The following KPNA7 variants were observed in gnomAD, a reference collection of about 807,000 sequenced individuals.
KPNA7 encodes karyopherin subunit alpha 7.
Under a neutral mutation model 53.7 loss-of-function variants are expected in KPNA7, and 54 were observed. That is an observed-to-expected ratio of 1.01 (90% CI 0.81 to 1.26). The LOEUF (loss-of-function observed/expected upper bound fraction) is 1.26, where lower values mean the gene tolerates loss of function less well. Among genes scored for constraint, KPNA7 ranks in the 50% most tolerant of loss-of-function variants. The pLI is 0.00. For synonymous variants in KPNA7, 276 were observed against 259.3 expected (o/e 1.06, Z -0.62); for missense variants, 640 against 644.5 (o/e 0.99, Z 0.07).
chr7:99,150,769 A>G, the KPNA7 span, among the ~76,000 whole-genome samples: 1 of 152,132 alleles, frequency 6.6e-6, no homozygotes, highest in Non-Finnish European at 1.5e-5. Context: ...AGCTCTTGCA[A>G]ATATTCACCA....
chr7:99,197,840 G>A (rs1387566691), intron 3 of KPNA7, among the ~76,000 whole-genome samples: 2 of 152,168 alleles, frequency 1.3e-5, no homozygotes, highest in Admixed American at 1.3e-4. Flanking sequence ...TTAGAGATCT[G>A]TGGGACATCA....
chr7:99,185,317 C>A (rs1480697627), intron 7 of KPNA7, among the ~76,000 whole-genome samples, 155 bp from the exon 8 acceptor site: 2 of 152,070 alleles, frequency 1.3e-5, no homozygotes, highest in Non-Finnish European at 2.9e-5. Context: ...GATCATTATT[C>A]AATTCATCCA....
the KPNA7 span, among the ~76,000 whole-genome samples, chr7:99,155,116 A>G: frequency 6.6e-6 from 1 of 152,170 alleles, no homozygotes; most frequent in Non-Finnish European, 1.5e-5. Context: ...TTGGCTCTTC[A>G]TTTATGAAAG....
At chr7:99,208,997 C>T (rs1435881773), upstream of KPNA7, among the ~76,000 whole-genome samples, 1 of 151,908 alleles carries the variant, frequency 6.6e-6, no homozygotes, top group East Asian at 1.9e-4. Flanking sequence ...ACTAGAAATA[C>T]AAAAATTAGT....
intron 6 of KPNA7, 56 bp downstream of exon 6, chr7:99,192,957 TATTAAG>T: frequency 8.5e-7 from 1 of 1,182,424 alleles, no homozygotes; most frequent in Non-Finnish European, 1.2e-6. Flanking sequence ...GCTCCATCTC[TATTAAG>T]ATTATTTTAA....
chr7:99,167,723 C>T, the KPNA7 span, among the ~76,000 whole-genome samples: 20 of 141,790 alleles, frequency 1.4e-4, no homozygotes, highest in South Asian at 2.0e-3. Flanking sequence ...TCAGGTGATC[C>T]GCCCACCTTG....
chr7:99,212,592 C>T (rs149030822), upstream of KPNA7, among the ~76,000 whole-genome samples: 379 of 151,940 alleles, frequency 2.5e-3, 1 homozygote, highest in African/African-American at 8.8e-3. Flanking sequence ...CATAAGGAAG[C>T]GTTGCTTTTT....
the KPNA7 span, among the ~76,000 whole-genome samples, chr7:99,167,612 ACTTTTTTTTTTTTTT>A: frequency 9.2e-6 from 1 of 109,138 alleles, no homozygotes; most frequent in African/African-American, 3.8e-5. Flanking sequence ...ATCACACCCA[ACTTTTTTTTTTTTTT>A]TTTTTTTTTT....
chr7:99,180,742 C>T (rs1179358015), intron 9 of KPNA7, among the ~76,000 whole-genome samples: 6 of 29,604 alleles, frequency 2.0e-4, no homozygotes, highest in African/African-American at 4.9e-4. Context: ...TCTCTCTCCC[C>T]GTGTCTCTCT....
chr7:99,209,135 G>A (rs1202389674), upstream of KPNA7, among the ~76,000 whole-genome samples: 2 of 152,102 alleles, frequency 1.3e-5, no homozygotes, highest in Non-Finnish European at 2.9e-5. Context: ...CTGGGCAACA[G>A]AGTAAGATTC....
At chr7:99,151,698 C>G in the KPNA7 span, among the ~76,000 whole-genome samples, 4 of 151,972 alleles carry the variant, frequency 2.6e-5, no homozygotes, top group African/African-American at 9.7e-5. Context: ...CTCAAGCAGT[C>G]CTCCTGCCTC....
intron 6 of KPNA7, 111 bp downstream of exon 6, chr7:99,192,908 A>G: frequency 1.5e-6 from 1 of 686,366 alleles, no homozygotes; most frequent in Non-Finnish European, 2.3e-6. Flanking sequence ...GGATTGCTTG[A>G]AGCCAGGAGT....
chr7:99,206,158 CA>C (rs1357724878), intron 2 of KPNA7, among the ~76,000 whole-genome samples: 1 of 152,104 alleles, frequency 6.6e-6, no homozygotes, highest in Non-Finnish European at 1.5e-5. Flanking sequence ...AGATAAATAG[CA>C]GCCTGGTTTT....
chr7:99,154,134 CTTTTT>C, the KPNA7 span, among the ~76,000 whole-genome samples: 2 of 141,464 alleles, frequency 1.4e-5, no homozygotes, highest in Non-Finnish European at 3.1e-5. Context: ...AGCTCACACA[CTTTTT>C]TTTTTTTTTT....
At chr7:99,183,906 C>T (rs1789425696) in intron 8 of KPNA7, among the ~76,000 whole-genome samples, 1 of 152,042 alleles carries the variant, frequency 6.6e-6, no homozygotes, top group Non-Finnish European at 1.5e-5. Flanking sequence ...AGTATAGTGG[C>T]ATGATCGTGG....
chr7:99,184,407 C>A (rs1197534355), intron 8 of KPNA7, among the ~76,000 whole-genome samples: 1 of 152,150 alleles, frequency 6.6e-6, no homozygotes, highest in Non-Finnish European at 1.5e-5. Flanking sequence ...AATCTATCCA[C>A]CTGACTGGGC....
the KPNA7 span, among the ~76,000 whole-genome samples, chr7:99,159,594 C>G: frequency 6.6e-6 from 1 of 152,138 alleles, no homozygotes; most frequent in African/African-American, 2.4e-5. Context: ...TGTCACTTCC[C>G]TCTTCCCGTA....
intron 9 of KPNA7, among the ~76,000 whole-genome samples, chr7:99,181,139 G>GTCTCTC (rs71292939): frequency 2.7e-4 from 3 of 11,246 alleles, no homozygotes; most frequent in African/African-American, 5.9e-4. Flanking sequence ...CTCCGTCTGT[G>GTCTCTC]TCTCTCTCTC....
the KPNA7 span, among the ~76,000 whole-genome samples, chr7:99,162,032 T>C: frequency 2.7e-5 from 4 of 150,264 alleles, no homozygotes; most frequent in African/African-American, 4.9e-5. Context: ...CTAACCAAGA[T>C]TGCAATTTTT....
Sources: allele counts gnomAD v4.1 joint callset (sites outside exome capture counted in the v4.1 genomes callset), GRCh38; gene constraint gnomAD v4.1.1; transcripts MANE v1.5; gene names NCBI Gene and HGNC (gene_info 2026-07-23, HGNC 2026-07-21).